GARS1: variants seen among roughly 807,000 people sequenced by gnomAD.
GARS1 encodes glycine--tRNA ligase.
GARS1 carries 46 observed loss-of-function variants against 86.4 expected under a neutral mutation model. That is an observed-to-expected ratio of 0.53 (90% CI 0.42 to 0.68). The LOEUF is 0.68. Ranked by LOEUF, GARS1 falls within the 30% of genes least tolerant of loss-of-function variation. GARS1 has a pLI of 0.00. For missense variants in GARS1, 797 were observed against 915.6 expected (o/e 0.87, Z 1.67); for synonymous variants, 342 against 329.8 (o/e 1.04, Z -0.40).
At chr7:30,615,824 A>C in intron 8 of GARS1, 72 bp from the exon 9 acceptor site, 2 of 1,489,534 alleles carry the variant, frequency 1.3e-6, no homozygotes, top group South Asian at 1.2e-5. Context: ...TTGAAAATAG[A>C]GGCCTTGTTT....
Position 30,633,841 on chromosome 7 carries a change from AAG to A in GARS1, c.2205_2206del (p.Glu735AspfsTer17). 1 of 1,614,128 alleles carries A rather than the reference AAG, an allele frequency of 6.2e-7. No homozygotes were observed. The highest frequency in any genetic ancestry group is 1.1e-5 in the South Asian group (1 of 91,082). ...TTTGAAGGGCAAGAGACTGGTAAAA[AAG>A]AGACAATCGAGGAATGAGGACAATT... is the stretch of plus-strand genomic sequence containing the variant. On this transcript the variant is annotated frameshift_variant, in exon 17 of 17. Coordinates refer to ENST00000389266, the MANE Select transcript of GARS1 (RefSeq NM_002047.4). LOFTEE classifies it high-confidence loss of function.
Position 30,632,519 on chromosome 7 carries a change from T to C in GARS1, c.2094+82T>C. 2 of 1,437,044 alleles carry C rather than the reference T, an allele frequency of 1.4e-6. No homozygotes were observed. The highest frequency in any genetic ancestry group is 2.0e-6 in the Non-Finnish European group (2 of 1,022,974). 89.0% of individuals were successfully genotyped at this position (1,437,044 alleles called of 1,614,324 possible). On this transcript the variant is annotated intron_variant, in intron 16 of 16. Coordinates refer to ENST00000389266, the MANE Select transcript of GARS1 (RefSeq NM_002047.4). The surrounding 1 kb of genome is among the most constrained non-coding windows in gnomAD (Gnocchi z 4.1). ...GATTTGTGTTGGATTTTGATGTGTT[T>C]ATGCTCCCTTTCCTTTTTTTTTCTT...
rs2128132956 is a variant in GARS1, at chr7:30,603,078, A to T, written c.614A>T (p.Asp205Val). 6.2e-7 allele frequency: 1 copy of T among 1,613,912 alleles called. No homozygotes were observed. Among genetic ancestry groups the T allele is most frequent in the Non-Finnish European group, 8.5e-7 (1 of 1,179,878 alleles). Reference protein sequence around the residue: ...VDKFADFMVKDVKNGECFRAD... With the variant: ...VDKFADFMVKVVKNGECFRAD... ...AAATTTGCTGACTTCATGGTGAAAG[A>T]CGTAAAAAATGGAGAATGTTTTCGT... The change falls in exon 5 of 17, where the codon GAC (aspartate) becomes GTC (valine). Residue 205 changes from aspartate (D) to valine (V), a missense_variant. Around this residue, in one of 2 missense-constraint regions of GARS1, gnomAD observed 598 missense variants for 738.7 expected, o/e 0.81. Transcript: ENST00000389266.
intron 8 of GARS1, among the ~76,000 whole-genome samples, chr7:30,613,438 T>A (rs1234495210): frequency 1.3e-5 from 2 of 152,230 alleles, no homozygotes; most frequent in African/African-American, 4.8e-5. Flanking sequence ...ACCGTTTCAA[T>A]ATCTAGCAAG....
At chr7:30,600,970 G>A (rs893344608) in intron 3 of GARS1, 89 bp from the exon 4 acceptor site, 50 of 1,186,702 alleles carry the variant, frequency 4.2e-5, no homozygotes, top group Middle Eastern at 4.4e-4. Context: ...CACTTTTAGG[G>A]AGTATAGGTA....
At chr7:30,598,233 C>T (rs747192956) in intron 1 of GARS1, among the ~76,000 whole-genome samples, 4 of 151,954 alleles carry the variant, frequency 2.6e-5, no homozygotes, top group Non-Finnish European at 4.4e-5. Flanking sequence ...CTTTTTCACC[C>T]CTCTATACCC....
Position 30,621,421 on chromosome 7 carries a change from A to G in GARS1, c.1388A>G (p.Asp463Gly). ...YGWIEIVGCA[D>G]RSCYDLSCHA... ...TGGATTGAGATTGTTGGATGTGCTG[A>G]TCGTTCCTGTTATGACCTCTCCTGT... The change falls in exon 11 of 17, where the codon GAT becomes GGT. Residue 463 changes from aspartate (D) to glycine (G), a missense_variant. Asp to Gly is a moderately conservative substitution (Grantham distance 94). Around this residue, in one of 2 missense-constraint regions of GARS1, gnomAD observed 598 missense variants for 738.7 expected, o/e 0.81. Transcript: ENST00000389266. The G allele has an allele frequency of 3.7e-6, 6 of 1,614,116 alleles. No homozygotes were observed. Among genetic ancestry groups the G allele is most frequent in the Non-Finnish European group, 5.1e-6 (6 of 1,180,010 alleles).
Position 30,603,590 on chromosome 7 carries a change from G to A in GARS1, c.735+18G>A. ...TGGCCCAGGTGAGTACTCTAGAGATGTTATCAGAGTAACCTAGGTGGTCGC... is the reference window on the plus strand; with the variant it reads ...TGGCCCAGGTGAGTACTCTAGAGATATTATCAGAGTAACCTAGGTGGTCGC... On this transcript the variant is annotated intron_variant, in intron 6 of 16. Coordinates refer to ENST00000389266, the MANE Select transcript of GARS1 (RefSeq NM_002047.4). 2 of 1,565,924 alleles carry A rather than the reference G, an allele frequency of 1.3e-6. No individual in the cohort carries two copies. Among genetic ancestry groups the A allele is most frequent in the Non-Finnish European group, 1.8e-6 (2 of 1,137,050 alleles).
chr7:30,606,802 C>G (rs1295780080), intron 6 of GARS1, among the ~76,000 whole-genome samples: 1 of 152,148 alleles, frequency 6.6e-6, no homozygotes, highest in East Asian at 1.9e-4. Context: ...TAAACCTTGT[C>G]AGTGATCTGA....
chr7:30,629,440 A>G (rs992794248), intron 14 of GARS1, among the ~76,000 whole-genome samples: 4 of 152,150 alleles, frequency 2.6e-5, no homozygotes, highest in Non-Finnish European at 4.4e-5. Context: ...TGCCTGCAGA[A>G]GTTACACTCC....
At chr7:30,622,607 A>G (rs1348747688) in intron 12 of GARS1, 145 bp downstream of exon 12, 2 of 964,450 alleles carry the variant, frequency 2.1e-6, no homozygotes, top group Non-Finnish European at 3.2e-6. Context: ...CTTTGCCGAG[A>G]TTTTGGCATT....
At chr7:30,606,562 C>G (rs1791489670) in intron 6 of GARS1, among the ~76,000 whole-genome samples, 1 of 152,136 alleles carries the variant, frequency 6.6e-6, no homozygotes, top group Admixed American at 6.5e-5. Context: ...GATATTCAGT[C>G]AGTTGCAGTT....
At chr7:30,612,554 G>A (rs1782781401) in intron 8 of GARS1, among the ~76,000 whole-genome samples, 1 of 141,416 alleles carries the variant, frequency 7.1e-6, no homozygotes, top group Non-Finnish European at 1.5e-5. Context: ...TATCTTGATT[G>A]TCTAAACCAA....
upstream of GARS1, chr7:30,594,756 T>G (rs1008764831): frequency 3.6e-5 from 22 of 616,862 alleles, no homozygotes; most frequent in East Asian, 2.0e-4. Context: ...CCTTCCGGGT[T>G]TTGTGTCGAA....
At chr7:30,631,957 A>C (rs1021514994) in intron 15 of GARS1, 4 of 438,708 alleles carry the variant, frequency 9.1e-6, no homozygotes, top group African/African-American at 6.0e-5. Context: ...TGACCTGCTT[A>C]GAGCCATAAA....
Position 30,617,245 on chromosome 7 carries a change from T to C in GARS1, c.1326T>C (p.Cys442=). ...AGAATGAGATGGCCCATTATGCCTG[T>C]GACTGTTGGGATGCAGAATCCAAAA... ...HMENEMAHYA[C]DCWDAESKTS... The change falls in exon 10 of 17, where the codon TGT becomes TGC. Residue 442 remains cysteine, a synonymous_variant. Transcript: ENST00000389266. The C allele has an allele frequency of 6.2e-7, 1 of 1,614,000 alleles. No individual in the cohort carries two copies. Among genetic ancestry groups the C allele is most frequent in the Non-Finnish European group, 8.5e-7 (1 of 1,179,876 alleles).
intron 8 of GARS1, among the ~76,000 whole-genome samples, chr7:30,615,195 T>C (rs571633495): frequency 1.3e-5 from 2 of 152,386 alleles, no homozygotes; most frequent in East Asian, 1.9e-4. Flanking sequence ...AATAACACTT[T>C]ATTTAAGAAG....
At chr7:30,614,026 G>A (rs893739349) in intron 8 of GARS1, among the ~76,000 whole-genome samples, 1 of 152,074 alleles carries the variant, frequency 6.6e-6, no homozygotes, top group Non-Finnish European at 1.5e-5. Flanking sequence ...ACAGTTTCAG[G>A]TACAGTTGCT....
chr7:30,617,068 G>T (rs764096656), intron 9 of GARS1, 46 bp from the exon 10 acceptor site: 2 of 1,595,438 alleles, frequency 1.3e-6, no homozygotes, highest in South Asian at 2.2e-5. Context: ...GAGTATTAAT[G>T]TGTGTTTTCT....
Sources: allele counts gnomAD v4.1 joint callset (sites outside exome capture counted in the v4.1 genomes callset), GRCh38; gene constraint gnomAD v4.1.1; regional missense constraint gnomAD v4.1.1; non-coding constraint Gnocchi (gnomAD v3.1); transcripts MANE v1.5; gene names NCBI Gene and HGNC (gene_info 2026-07-23, HGNC 2026-07-21).